TNPO2: variants seen among roughly 807,000 people sequenced by gnomAD.
The protein encoded by TNPO2 is transportin-2.
TNPO2 carries 16 observed loss-of-function variants against 111.1 expected under a neutral mutation model. That is an observed-to-expected ratio of 0.14 (90% confidence interval 0.10 to 0.22). The LOEUF is 0.22. TNPO2 is among the 10% of genes least tolerant of loss of function. The pLI is 1.00. For synonymous variants in TNPO2, 481 were observed against 475.8 expected (o/e 1.01, Z -0.14); for missense variants, 530 against 1,173.7 (o/e 0.45, Z 8.01).
chr19:12,713,191 A>G (rs1053407509), intron 10 of TNPO2, among the ~76,000 whole-genome samples: 3 of 152,122 alleles, frequency 2.0e-5, no homozygotes, highest in Non-Finnish European at 2.9e-5. Flanking sequence ...CACTTTCCTG[A>G]GATAGGGCAG....
In TNPO2 at chr19:12,721,252, A is replaced by C; in HGVS notation, c.-13-262T>G. 3 of 1,301,494 alleles carry C rather than the reference A, an allele frequency of 2.3e-6. No homozygotes were observed. Among genetic ancestry groups the C allele is most frequent in the Non-Finnish European group, 2.9e-6 (3 of 1,021,280 alleles). 80.6% of individuals were successfully genotyped at this position (1,301,494 alleles called of 1,614,324 possible). On this transcript the variant is annotated intron_variant, in intron 2 of 25. Transcript: ENST00000425528. This position sits in a 1 kb window ranked among gnomAD's most constrained non-coding sequence, Gnocchi z 4.9. ...CGGCGGCGGGGCCCGGCGGATCCTC[A>C]TGGGACCCAGCGAAGAGCCCTCGTC...
At chr19:12,709,444 A>G (rs1786161148) in intron 13 of TNPO2, among the ~76,000 whole-genome samples, 1 of 152,182 alleles carries the variant, frequency 6.6e-6, no homozygotes, top group African/African-American at 2.4e-5. Flanking sequence ...TTAACATGAG[A>G]TATGAGATAC....
intron 18 of TNPO2, among the ~76,000 whole-genome samples, chr19:12,704,208 A>C (rs1352784468): frequency 6.6e-6 from 1 of 152,148 alleles, no homozygotes; most frequent in African/African-American, 2.4e-5. Flanking sequence ...CTTTACTAAA[A>C]ATACAATAAA....
chr19:12,722,088 C>A (rs1484437732), intron 2 of TNPO2: 8 of 139,294 alleles, frequency 5.7e-5, no homozygotes, highest in African/African-American at 2.1e-4. Context: ...CGGCCTCCCC[C>A]AATCAGACCC....
intron 10 of TNPO2, among the ~76,000 whole-genome samples, chr19:12,712,199 G>A (rs560996243): frequency 6.6e-6 from 1 of 152,318 alleles, no homozygotes; most frequent in South Asian, 2.1e-4. Flanking sequence ...GCCCGGACAG[G>A]GCCACCAGAG....
In TNPO2 at chr19:12,711,316, GCAT is replaced by G. The variant is rs767429210; in HGVS notation, c.1094_1096del (p.Asp365del). 6.2e-7 allele frequency: 1 copy of G among 1,613,874 alleles called. No individual in the cohort carries two copies. Among genetic ancestry groups the G allele is most frequent in the Non-Finnish European group, 8.5e-7 (1 of 1,179,842 alleles). On this transcript the variant is annotated inframe_deletion, in exon 12 of 26. Coordinates refer to ENST00000425528, the MANE Select transcript of TNPO2 (RefSeq NM_001382241.1). ...CACACTCAAATTCCAGTCGGACAGA[GCAT>G]CATCATCATCGTCATCCTCCGCGTC...
At position 12,723,845 on chromosome 19, in the gene TNPO2, T is replaced by C. The variant is rs1159460564; in HGVS notation, c.-207A>G. On this transcript the variant is annotated 5_prime_UTR_variant, in exon 1 of 26. Coordinates refer to ENST00000425528, the MANE Select transcript of TNPO2 (RefSeq NM_001382241.1). ...CCGGGCCTCCAAGGTTAGGGAAGTG[T>C]CGGCAGGCGCCTAACTCCACTCGGA... is the stretch of plus-strand genomic sequence containing the variant. 1 of 152,136 alleles carries C rather than the reference T, an allele frequency of 6.6e-6. No individual in the cohort carries two copies. Among genetic ancestry groups the C allele is most frequent in the East Asian group, 1.9e-4 (1 of 5,194 alleles). 9.4% of individuals were successfully genotyped at this position (152,136 alleles called of 1,614,324 possible).
chr19:12,702,761 C>A lies in TNPO2; in HGVS notation c.2305+62G>T. On this transcript the variant is annotated intron_variant, in intron 21 of 25. Transcript: ENST00000425528. The surrounding 1 kb of genome is among the most constrained non-coding windows in gnomAD (Gnocchi z 5.5). ...AGGCTCTTTCTGATGCCCTTCCCAG[C>A]CCAGAACCCCACCTCCAGAAGGCAG... The A allele has an allele frequency of 6.7e-7, 1 of 1,503,394 alleles. No homozygotes were observed. Among genetic ancestry groups the A allele is most frequent in the Non-Finnish European group, 9.2e-7 (1 of 1,082,250 alleles). 93.1% of individuals were successfully genotyped at this position (1,503,394 alleles called of 1,614,324 possible).
rs1013270888 is a variant in TNPO2 at position 12,721,508 on chromosome 19, C to T, written c.-13-518G>A. ...GATCCCAGAGGCCTCCTGCCCTAGT[C>T]CAATTTCTGAGCTTCCCCAGATGCG... On this transcript the variant is annotated intron_variant, in intron 2 of 25. Transcript: ENST00000425528. This position sits in a 1 kb window ranked among gnomAD's most constrained non-coding sequence, Gnocchi z 4.9. 9 of 378,568 alleles carry T rather than the reference C, an allele frequency of 2.4e-5. No individual in the cohort carries two copies. Among genetic ancestry groups the T allele is most frequent in the African/African-American group, 2.0e-4 (9 of 44,696 alleles). The allele number at this position is 378,568 out of a possible 1,614,324, so 23.5% of individuals were successfully genotyped here. A position where few individuals can be genotyped will look rare whatever the true frequency, so the allele number is the denominator to read the frequency against.
intron 10 of TNPO2, among the ~76,000 whole-genome samples, chr19:12,712,193 G>A (rs542359795): frequency 2.4e-4 from 37 of 152,252 alleles, no homozygotes; most frequent in African/African-American, 8.2e-4. Context: ...TGTTATGCCC[G>A]GACAGGGCCA....
At chr19:12,722,993 G>A (rs568548359) in intron 2 of TNPO2, among the ~76,000 whole-genome samples, 1 of 152,272 alleles carries the variant, frequency 6.6e-6, no homozygotes, top group South Asian at 2.1e-4. Flanking sequence ...CTTGGGAGGA[G>A]TACGCTGTGT....
chr19:12,710,581 T>C, intron 13 of TNPO2, 40 bp downstream of exon 13: 1 of 1,604,652 alleles, frequency 6.2e-7, no homozygotes, highest in Non-Finnish European at 8.5e-7. Flanking sequence ...AGCCCTACAG[T>C]CTCATGCCAG....
chr19:12,699,317 G>A lies in TNPO2; in HGVS notation c.*1947C>T, dbSNP rs889857160. The A allele has an allele frequency of 2.3e-6, 1 of 429,198 alleles. No individual in the cohort carries two copies. Among genetic ancestry groups the A allele is most frequent in the Non-Finnish European group, 4.7e-6 (1 of 213,388 alleles). The allele number at this position is 429,198 out of a possible 1,614,324, so 26.6% of individuals were successfully genotyped here. A position where few individuals can be genotyped will look rare whatever the true frequency, so the allele number is the denominator to read the frequency against. On this transcript the variant is annotated 3_prime_UTR_variant, in exon 26 of 26. Transcript: ENST00000425528. ...AATGGACAGACCCGGGAGCCCGCAG[G>A]GGGAAGAGGGTGAGGAGGGAAAGAG...
At chr19:12,712,338 G>C (rs1470820181) in intron 10 of TNPO2, among the ~76,000 whole-genome samples, 1 of 152,180 alleles carries the variant, frequency 6.6e-6, no homozygotes, top group African/African-American at 2.4e-5. Flanking sequence ...AAGTGGGGGA[G>C]TCTCCCTTTC....
Position 12,701,339 on chromosome 19 carries a change from T to C in TNPO2, c.*7A>G, listed in dbSNP as rs770315588. On this transcript the variant is annotated 3_prime_UTR_variant, in exon 25 of 26. Transcript: ENST00000425528. The surrounding 1 kb of genome is among the most constrained non-coding windows in gnomAD (Gnocchi z 5.0). The stretch of plus-strand genomic sequence containing the variant: ...CAGTCTCCTTACCTGGCAGTCTCCA[T>C]GATCACCTAGACCCCATAGAAAGCC... The C allele has an allele frequency of 1.2e-6, 2 of 1,610,596 alleles. No individual in the cohort carries two copies. Among genetic ancestry groups the C allele is most frequent in the Non-Finnish European group, 1.7e-6 (2 of 1,177,302 alleles).
chr19:12,700,168 C>T lies in TNPO2; in HGVS notation c.*1096G>A, dbSNP rs991585959. On this transcript the variant is annotated 3_prime_UTR_variant, in exon 26 of 26. Transcript: ENST00000425528. ...GGAACAGGGGACACACCACCTTTCC[C>T]TTCCACCAAGCCTTGGTTTTCCTTT... 2.0e-5 allele frequency: 3 copies of T among 152,188 alleles called. No individual in the cohort carries two copies. Among genetic ancestry groups the T allele is most frequent in the Non-Finnish European group, 4.4e-5 (3 of 68,054 alleles). 9.4% of individuals were successfully genotyped at this position (152,188 alleles called of 1,614,324 possible). A position where few individuals can be genotyped will look rare whatever the true frequency, so the allele number is the denominator to read the frequency against.
rs751994288 is a variant in TNPO2, at chr19:12,714,913, A to G, written c.798T>C (p.His266=). 2 of 1,613,650 alleles carry G rather than the reference A, an allele frequency of 1.2e-6. No homozygotes were observed. Among genetic ancestry groups the G allele is most frequent in the South Asian group, 1.1e-5 (1 of 91,074 alleles). ...AGGCCTCAAGGGCAACGTTCTCATC[A>G]TGGTCCTGGGTCCTCTGCAGCATGT... ...IQYMLQRTQD[H]DENVALEACE... is the part of the protein sequence containing the mutation. Residue 266 remains histidine, a synonymous_variant, in exon 10 of 26, where the codon CAT becomes CAC. Transcript: ENST00000425528.
intron 5 of TNPO2, among the ~76,000 whole-genome samples, chr19:12,718,167 G>T (rs988650337): frequency 1.4e-5 from 2 of 144,974 alleles, no homozygotes; most frequent in African/African-American, 5.7e-5. Flanking sequence ...ACCACGCCCA[G>T]CTAATTTTTT....
At chr19:12,708,431 GTTT>G (rs1160827763) in intron 13 of TNPO2, among the ~76,000 whole-genome samples, 1 of 143,594 alleles carries the variant, frequency 7.0e-6, no homozygotes, top group Non-Finnish European at 1.5e-5. Context: ...CACACCCAGG[GTTT>G]TTTTTTTTTT....
Sources: allele counts gnomAD v4.1 joint callset (sites outside exome capture counted in the v4.1 genomes callset), GRCh38; gene constraint gnomAD v4.1.1; non-coding constraint Gnocchi (gnomAD v3.1); transcripts MANE v1.5; gene names NCBI Gene and HGNC (gene_info 2026-07-23, HGNC 2026-07-21).